The following N4BP2 variants were observed in gnomAD, a reference collection of about 807,000 sequenced individuals.
N4BP2 encodes the protein NEDD4-binding protein 2.
In N4BP2, 91 loss-of-function variants were observed where a neutral mutation model predicts 152.8. The ratio of observed to expected loss-of-function variants is 0.60; its 90% CI spans 0.50 to 0.71. The LOEUF (loss-of-function observed/expected upper bound fraction) is 0.71. Among genes scored for constraint, N4BP2 ranks in the 30% least tolerant of loss-of-function variants. N4BP2 has a pLI of 0.00. For missense variants in N4BP2, 1,923 were observed against 2,059.1 expected (o/e 0.93, Z 1.28); for synonymous variants, 646 against 705.3 (o/e 0.92, Z 1.33).
chr4:40,145,065 T>C (rs1720388456), intron 16 of N4BP2, among the ~76,000 whole-genome samples: 1 of 152,254 alleles, frequency 6.6e-6, no homozygotes, highest in African/African-American at 2.4e-5. Flanking sequence ...TCTCTGTGAC[T>C]TATAAATGAG....
At chr4:40,105,380 G>A (rs1366772924) in intron 4 of N4BP2, among the ~76,000 whole-genome samples, 1 of 149,230 alleles carries the variant, frequency 6.7e-6, no homozygotes, top group Non-Finnish European at 1.5e-5. Context: ...CTGTTGTGCA[G>A]TGGTGTGATC....
At chr4:40,140,983 C>T (rs1055327653) in intron 14 of N4BP2, among the ~76,000 whole-genome samples, 6 of 151,270 alleles carry the variant, frequency 4.0e-5, no homozygotes, top group African/African-American at 1.5e-4. Flanking sequence ...TCTCCCATGT[C>T]TACCTCCTAC....
intron 14 of N4BP2, chr4:40,142,320 G>A (rs1274270804): frequency 9.5e-6 from 3 of 314,742 alleles, no homozygotes; most frequent in Non-Finnish European, 1.9e-5. Flanking sequence ...TGGTGGCGAC[G>A]GCTGGAGTTG....
intron 16 of N4BP2, among the ~76,000 whole-genome samples, chr4:40,150,192 G>T (rs1481813165): frequency 6.6e-6 from 1 of 152,202 alleles, no homozygotes; most frequent in Non-Finnish European, 1.5e-5. Flanking sequence ...GAGACATCTG[G>T]ACCTTATGTC....
intron 12 of N4BP2, among the ~76,000 whole-genome samples, chr4:40,131,427 A>G (rs1332127234): frequency 6.6e-6 from 1 of 151,832 alleles, no homozygotes; most frequent in African/African-American, 2.4e-5. Context: ...ATTTATTTTT[A>G]TCCTGTTTAT....
At chr4:40,181,810 A>C in the N4BP2 span, among the ~76,000 whole-genome samples, 2 of 152,312 alleles carry the variant, frequency 1.3e-5, no homozygotes, top group South Asian at 4.1e-4. Context: ...TTAGCCGAGC[A>C]TGGTGGCACA....
intron 2 of N4BP2, among the ~76,000 whole-genome samples, chr4:40,089,342 C>G (rs1016163920): frequency 2.0e-5 from 3 of 151,576 alleles, no homozygotes; most frequent in African/African-American, 4.9e-5. Flanking sequence ...TAAGTATTTT[C>G]TCATAGTCTG....
At chr4:40,082,596 C>T (rs192711950) in intron 2 of N4BP2, among the ~76,000 whole-genome samples, 265 of 152,176 alleles carry the variant, frequency 1.7e-3, no homozygotes, top group African/African-American at 6.1e-3. Context: ...ACTTCGAGAC[C>T]AGCGTGTGCA....
the N4BP2 span, among the ~76,000 whole-genome samples, chr4:40,174,278 G>A: frequency 6.6e-6 from 1 of 152,142 alleles, no homozygotes; most frequent in Non-Finnish European, 1.5e-5. Flanking sequence ...TTGGGAGGCT[G>A]AGGCAGGAGA....
At chr4:40,140,787 G>A (rs987680755) in intron 14 of N4BP2, among the ~76,000 whole-genome samples, 3 of 151,808 alleles carry the variant, frequency 2.0e-5, no homozygotes, top group African/African-American at 7.3e-5. Context: ...GAGTGGTGAT[G>A]ACTCTTAACG....
intron 13 of N4BP2, among the ~76,000 whole-genome samples, chr4:40,135,475 G>A (rs1322693239): frequency 6.6e-6 from 1 of 152,096 alleles, no homozygotes; most frequent in East Asian, 1.9e-4. Flanking sequence ...GTAATGGGAT[G>A]GCTGGGTCAA....
At position 40,142,804 on chromosome 4, in the gene N4BP2, G is replaced by A; in HGVS notation, c.4917G>A (p.Lys1639=). Residue 1639 remains lysine, a synonymous_variant, in exon 15 of 18, where the codon AAG becomes AAA. Coordinates refer to ENST00000261435, the MANE Select transcript of N4BP2 (RefSeq NM_018177.6). Reference sequence around the variant, plus strand: ...AGAAGAGGATGGAGTGCTACAGCAAGGCCAAAGAAGCTTATCGGATAGGGA... The same window carrying A: ...AGAAGAGGATGGAGTGCTACAGCAAAGCCAAAGAAGCTTATCGGATAGGGA... ...HQQKRMECYS[K]AKEAYRIGKK... The A allele has an allele frequency of 6.2e-7, 1 of 1,614,086 alleles. No individual in the cohort carries two copies. Among genetic ancestry groups the A allele is most frequent in the Non-Finnish European group, 8.5e-7 (1 of 1,180,016 alleles).
intron 13 of N4BP2, among the ~76,000 whole-genome samples, chr4:40,134,666 A>G (rs1380002049): frequency 6.6e-6 from 1 of 152,168 alleles, no homozygotes; most frequent in African/African-American, 2.4e-5. Flanking sequence ...TGTTGGTAGC[A>G]TCCAGCCCCT....
intron 1 of N4BP2, among the ~76,000 whole-genome samples, chr4:40,057,640 T>C (rs541691293): frequency 6.6e-6 from 1 of 152,232 alleles, no homozygotes; most frequent in African/African-American, 2.4e-5. Flanking sequence ...ACTTTGTCCC[T>C]CAATGGGACC....
chr4:40,085,727 G>A (rs898320812), intron 2 of N4BP2, among the ~76,000 whole-genome samples: 1 of 152,220 alleles, frequency 6.6e-6, no homozygotes, highest in African/African-American at 2.4e-5. Context: ...AATCTCGAGA[G>A]TGGCAGTGTC....
intron 6 of N4BP2, among the ~76,000 whole-genome samples, chr4:40,112,430 G>C (rs145837891): frequency 3.9e-5 from 6 of 152,072 alleles, no homozygotes; most frequent in Admixed American, 3.9e-4. Context: ...TTATGAAAAG[G>C]TAGTGGTACT....
At position 40,120,831 on chromosome 4, in the gene N4BP2, AG is replaced by A. The variant is rs768929391; in HGVS notation, c.2721del (p.Glu907AspfsTer4). ...RSRMPKTGLS[E>X]PNLEIGTNDK... The stretch of plus-strand genomic sequence containing the variant: ...AGAATGCCAAAGACTGGTTTAAGTG[AG>A]CCCAACCTAGAAATTGGAACAAATG... On this transcript the variant is annotated frameshift_variant, in exon 9 of 18. Coordinates refer to ENST00000261435, the MANE Select transcript of N4BP2 (RefSeq NM_018177.6). LOFTEE classifies it high-confidence loss of function. 4 of 1,614,168 alleles carry A rather than the reference AG, an allele frequency of 2.5e-6. No individual in the cohort carries two copies. Among genetic ancestry groups the A allele is most frequent in the Non-Finnish European group, 3.4e-6 (4 of 1,180,014 alleles).
chr4:40,062,978 T>A (rs976087803), intron 1 of N4BP2, among the ~76,000 whole-genome samples: 2 of 152,164 alleles, frequency 1.3e-5, no homozygotes, highest in Admixed American at 1.3e-4. Flanking sequence ...TAAAAAATGA[T>A]GTGATTTGCA....
intron 5 of N4BP2, among the ~76,000 whole-genome samples, chr4:40,111,016 T>G (rs1486969869): frequency 6.6e-6 from 1 of 152,204 alleles, no homozygotes; most frequent in Non-Finnish European, 1.5e-5. Flanking sequence ...CCTTGTGCAA[T>G]GGTGTATTAT....
Sources: allele counts gnomAD v4.1 joint callset (sites outside exome capture counted in the v4.1 genomes callset), GRCh38; gene constraint gnomAD v4.1.1; transcripts MANE v1.5; gene names NCBI Gene and HGNC (gene_info 2026-07-23, HGNC 2026-07-21).